Variants in ITIH1 observed in about 807,000 individuals in gnomAD.
ITIH1 encodes inter-alpha-trypsin inhibitor heavy chain 1, also known as inter-alpha-trypsin inhibitor heavy chain H1.
Under a neutral mutation model 104.6 loss-of-function variants are expected in ITIH1, and 94 were observed. That is an observed-to-expected ratio of 0.90 (90% confidence interval 0.76 to 1.07). ITIH1 has a LOEUF of 1.07. ITIH1 is among the 50% of genes least tolerant of loss of function. The pLI is 0.00. For synonymous variants in ITIH1, 455 were observed against 464.4 expected (o/e 0.98, Z 0.26); for missense variants, 1,193 against 1,181.4 (o/e 1.01, Z -0.14).
chr3:52,786,462 G>A (rs1699206991), intron 13 of ITIH1, 28 bp downstream of exon 13: 1 of 1,558,502 alleles, frequency 6.4e-7, no homozygotes, highest in Non-Finnish European at 8.7e-7. Flanking sequence ...GCCCCAGGTG[G>A]GCACTGCCCA....
At position 52,786,936 on chromosome 3, in the gene ITIH1, T is replaced by C; in HGVS notation, c.1734-9T>C. 6.2e-7 allele frequency: 1 copy of C among 1,607,260 alleles called. No individual in the cohort carries two copies. Among genetic ancestry groups the C allele is most frequent in the Non-Finnish European group, 8.5e-7 (1 of 1,175,748 alleles). ...CGGGGCTTGGAGCCAGCCTCTGTCT[T>C]GAATGCAGGATGAAGGTGGACAGGG... On this transcript the variant is annotated splice_polypyrimidine_tract_variant and intron_variant, in intron 13 of 21. Coordinates refer to ENST00000273283, the MANE Select transcript of ITIH1 (RefSeq NM_002215.4).
chr3:52,786,976 C>G lies in ITIH1; in HGVS notation c.1765C>G (p.Leu589Val), dbSNP rs1455424164. Residue 589 changes from leucine to valine, a missense_variant, in exon 14 of 22, where the codon CTG becomes GTG. By Grantham distance (32) the Leu-to-Val change is conservative. Coordinates refer to ENST00000273283, the MANE Select transcript of ITIH1 (RefSeq NM_002215.4). ...MKVDREERANLSSQALQMSLD... is the reference protein window; with the variant it reads ...MKVDREERANVSSQALQMSLD... ...GGTGGACAGGGAGGAGAGGGCCAAC[C>G]TGTCATCCCAGGCCCTGCAGATGTC... 29 of 1,613,922 alleles carry G rather than the reference C, an allele frequency of 1.8e-5. No homozygotes were observed. Among genetic ancestry groups the G allele is most frequent in the Non-Finnish European group, 2.4e-5 (28 of 1,179,944 alleles).
At chr3:52,781,504 C>T (rs2154108298) in intron 6 of ITIH1, among the ~76,000 whole-genome samples, 1 of 152,094 alleles carries the variant, frequency 6.6e-6, no homozygotes, top group African/African-American at 2.4e-5. Context: ...ACTAGCTTCC[C>T]CAAGCACATC....
intron 11 of ITIH1, 67 bp downstream of exon 11, chr3:52,784,544 T>G (rs1319638114): frequency 4.1e-5 from 62 of 1,504,790 alleles, no homozygotes; most frequent in Non-Finnish European, 5.5e-5. Flanking sequence ...GGTGGCCGTT[T>G]GCCCATCAGC....
At position 52,787,109 on chromosome 3, in the gene ITIH1, G is replaced by A; in HGVS notation, c.1888+10G>A. 1 of 1,614,238 alleles carries A rather than the reference G, an allele frequency of 6.2e-7. No individual in the cohort carries two copies. The highest frequency in any genetic ancestry group is 8.5e-7 in the Non-Finnish European group (1 of 1,180,030). On this transcript the variant is annotated intron_variant, in intron 14 of 21. Transcript: ENST00000273283. The stretch of plus-strand genomic sequence containing the variant: ...GACAAGCCCTCAGAGGGTATAGGCT[G>A]CAGGGGTCTACAGAAGGGAGAGGCC...
In ITIH1 at chr3:52,790,731, G is replaced by C. The variant is rs751821392; in HGVS notation, c.2322-18G>C. ...GCAGTGCAGCCGCACCTGCCCTCTC[G>C]GCCACCTGGCTCTGCAGGGTGGTGG... On this transcript the variant is annotated intron_variant, in intron 19 of 21. Coordinates refer to ENST00000273283, the MANE Select transcript of ITIH1 (RefSeq NM_002215.4). The C allele has an allele frequency of 5.7e-5, 92 of 1,605,358 alleles. No individual in the cohort carries two copies. The highest frequency in any genetic ancestry group is 7.6e-5 in the Non-Finnish European group (90 of 1,176,750).
chr3:52,778,999 G>A lies in ITIH1; in HGVS notation c.363G>A (p.Lys121=). The change falls in exon 4 of 22, where the codon AAG becomes AAA. Residue 121 remains lysine (K), a synonymous_variant. Transcript: ENST00000273283. ...TAAAGGACAAGGTGACTGCATGGAA[G>A]CAGTACCGGAAAGCAGCTATCTCAG... ...GDIKDKVTAW[K]QYRKAAISGE... 6.2e-7 allele frequency: 1 copy of A among 1,614,080 alleles called. No homozygotes were observed. Among genetic ancestry groups the A allele is most frequent in the Non-Finnish European group, 8.5e-7 (1 of 1,179,954 alleles).
intron 17 of ITIH1, 63 bp from the exon 18 acceptor site, chr3:52,788,169 C>A: frequency 6.6e-7 from 1 of 1,517,138 alleles, no homozygotes. Flanking sequence ...AGCTGAACCC[C>A]AACCCCTGGC....
At chr3:52,785,266 A>G (rs749545848) in intron 12 of ITIH1, 37 bp downstream of exon 12, 1 of 1,596,954 alleles carries the variant, frequency 6.3e-7, no homozygotes, top group Admixed American at 1.7e-5. Context: ...GAGGCCAGGC[A>G]GCACCCTAGA....
chr3:52,788,122 C>A (rs1250088496), intron 17 of ITIH1, 56 bp downstream of exon 17: 1 of 1,530,236 alleles, frequency 6.5e-7, no homozygotes, highest in Non-Finnish European at 9.0e-7. Flanking sequence ...CCCTATCTGG[C>A]TGTCTCTCTC....
At chr3:52,787,728 C>A in intron 16 of ITIH1, 116 bp downstream of exon 16, 1 of 1,273,824 alleles carries the variant, frequency 7.9e-7, no homozygotes, top group Non-Finnish European at 1.1e-6. Context: ...ATCTTTAGAA[C>A]AGACCTCTGA....
At position 52,781,208 on chromosome 3, in the gene ITIH1, T is replaced by TCTTC. The variant is rs563814051; in HGVS notation, c.688-732_688-731insCTTC. Reference sequence around the variant, plus strand: ...CACCTCCTCCTCTTCTTTTTTTTTTTTTCTTCTTCTTCTTCTTCTTCTTCT... The same window carrying TCTTC: ...CACCTCCTCCTCTTCTTTTTTTTTTTCTTCTTCTTCTTCTTCTTCTTCTTCTTCT... On this transcript the variant is annotated intron_variant, in intron 6 of 21. Coordinates refer to ENST00000273283, the MANE Select transcript of ITIH1 (RefSeq NM_002215.4). Among the ~76,000 whole-genome samples, 11 of 49,986 alleles carry TCTTC rather than the reference T, an allele frequency of 2.2e-4. 1 individual carries two copies. Among genetic ancestry groups the TCTTC allele is most frequent in the East Asian group, 1.2e-3 (2 of 1,668 alleles). The allele number at this position is 49,986 out of a possible 152,430, so 32.8% of individuals were successfully genotyped here. A position where few individuals can be genotyped will look rare whatever the true frequency, so the allele number is the denominator to read the frequency against.
rs1699108340 is a variant in ITIH1, at chr3:52,783,197, C to T, written c.1100-17C>T. On this transcript the variant is annotated splice_polypyrimidine_tract_variant and intron_variant, in intron 9 of 21. Coordinates refer to ENST00000273283, the MANE Select transcript of ITIH1 (RefSeq NM_002215.4). ...CAGAATGAGGGCATACACTGGTCTG[C>T]TTTCTCTTCCTTGCAGCCACAAACC... 1 of 1,614,104 alleles carries T rather than the reference C, an allele frequency of 6.2e-7. No individual in the cohort carries two copies. Among genetic ancestry groups the T allele is most frequent in the Non-Finnish European group, 8.5e-7 (1 of 1,180,026 alleles).
chr3:52,778,496 G>A lies in ITIH1; in HGVS notation c.295G>A (p.Asp99Asn). 1 of 1,614,220 alleles carries A rather than the reference G, an allele frequency of 6.2e-7. No homozygotes were observed. Among genetic ancestry groups the A allele is most frequent in the South Asian group, 1.1e-5 (1 of 91,068 alleles). Reference sequence around the variant, plus strand: ...AATCCCCAAGACAGCATTCATCAGTGACTTTGCCGTGTGCGTGCCTGCCCA... The same window carrying A: ...AATCCCCAAGACAGCATTCATCAGTAACTTTGCCGTGTGCGTGCCTGCCCA... ...LEIPKTAFIS[D>N]FAVTADGNAF... Residue 99 changes from aspartate to asparagine, a missense_variant, in exon 3 of 22, where the codon GAC becomes AAC. Physicochemically the swap from Asp to Asn is conservative, Grantham distance 23. Coordinates refer to ENST00000273283, the MANE Select transcript of ITIH1 (RefSeq NM_002215.4).
chr3:52,789,315 C>T (rs1699285351), intron 18 of ITIH1, among the ~76,000 whole-genome samples: 1 of 151,990 alleles, frequency 6.6e-6, no homozygotes, highest in Non-Finnish European at 1.5e-5. Flanking sequence ...GAAGAGGTCC[C>T]ACAATGCATT....
chr3:52,790,632 T>C, intron 19 of ITIH1, 117 bp from the exon 20 acceptor site: 1 of 999,108 alleles, frequency 1.0e-6, no homozygotes, highest in Non-Finnish European at 1.5e-6. Flanking sequence ...CATCTGGGGA[T>C]GAAGGCCATG....
chr3:52,790,015 T>G, intron 19 of ITIH1, 161 bp downstream of exon 19: 2 of 687,884 alleles, frequency 2.9e-6, no homozygotes, highest in South Asian at 3.7e-5. Flanking sequence ...GCCCTCCATT[T>G]CCCTTGGTTA....
intron 16 of ITIH1, 76 bp downstream of exon 16, chr3:52,787,688 T>C: frequency 6.7e-7 from 1 of 1,489,922 alleles, no homozygotes; most frequent in Non-Finnish European, 9.4e-7. Flanking sequence ...CTTCCTCCGT[T>C]CTAGCTGTCT....
chr3:52,779,334 T>C lies in ITIH1; in HGVS notation c.411-98T>C. On this transcript the variant is annotated intron_variant, in intron 4 of 21. Coordinates refer to ENST00000273283, the MANE Select transcript of ITIH1 (RefSeq NM_002215.4). The surrounding 1 kb of genome is among the most constrained non-coding windows in gnomAD (Gnocchi z 4.4). ...GGGAAACCTGGGAGCAACACTCATCTAAGAGAAATAAATTCTGTGGGCCAC... is the reference window on the plus strand; with the variant it reads ...GGGAAACCTGGGAGCAACACTCATCCAAGAGAAATAAATTCTGTGGGCCAC... 1 of 1,322,006 alleles carries C rather than the reference T, an allele frequency of 7.6e-7. No individual in the cohort carries two copies. The highest frequency in any genetic ancestry group is 1.8e-5 in the Admixed American group (1 of 56,396). 81.9% of individuals were successfully genotyped at this position (1,322,006 alleles called of 1,614,324 possible).
Sources: allele counts gnomAD v4.1 joint callset (sites outside exome capture counted in the v4.1 genomes callset), GRCh38; gene constraint gnomAD v4.1.1; non-coding constraint Gnocchi (gnomAD v3.1); transcripts MANE v1.5; gene names NCBI Gene and HGNC (gene_info 2026-07-23, HGNC 2026-07-21).